SSBP4: variants seen among roughly 807,000 people sequenced by gnomAD.
SSBP4 encodes the protein single-stranded DNA-binding protein 4.
A neutral mutation model predicts 64.6 loss-of-function variants in SSBP4; 33 were observed. The ratio of observed to expected loss-of-function variants is 0.51; its 90% CI spans 0.39 to 0.68. The LOEUF is 0.68. SSBP4 is among the 30% of genes least tolerant of loss of function. The pLI is 0.00. For missense variants in SSBP4, 583 were observed against 566.8 expected (o/e 1.03, Z -0.29); for synonymous variants, 243 against 224.0 (o/e 1.08, Z -0.76).
At chr19:18,412,365 G>A in the SSBP4 span, among the ~76,000 whole-genome samples, 1 of 150,818 alleles carries the variant, frequency 6.6e-6, no homozygotes, top group Admixed American at 6.6e-5. Context: ...GGAGGCTGAG[G>A]CAGAGAATTG....
At chr19:18,429,143 G>A (rs934328418) in intron 4 of SSBP4, among the ~76,000 whole-genome samples, 4 of 152,144 alleles carry the variant, frequency 2.6e-5, no homozygotes, top group Non-Finnish European at 4.4e-5. Flanking sequence ...GTCATGCCGG[G>A]CCGTCGCCTC....
chr19:18,405,452 G>C, the SSBP4 span, among the ~76,000 whole-genome samples: 1 of 149,934 alleles, frequency 6.7e-6, no homozygotes, highest in Admixed American at 6.6e-5. Flanking sequence ...CTTGAGCCCA[G>C]GAGTTCAAGA....
Position 18,432,546 on chromosome 19 carries a change from C to A in SSBP4, c.705-13C>A, listed in dbSNP as rs756645670. The A allele has an allele frequency of 6.5e-6, 10 of 1,548,676 alleles. No homozygotes were observed. In the South Asian group the frequency reaches 7.1e-5, roughly 11 times the overall value. ...GACTAGCCCCAGAGTCTGTCATCCGCGGTCTCTTCCAGGGGCCCAGGAGTT... is the reference window on the plus strand; with the variant it reads ...GACTAGCCCCAGAGTCTGTCATCCGAGGTCTCTTCCAGGGGCCCAGGAGTT... On this transcript the variant is annotated splice_polypyrimidine_tract_variant and intron_variant, in intron 10 of 17. Coordinates refer to ENST00000270061, the MANE Select transcript of SSBP4 (RefSeq NM_032627.5).
In SSBP4 at chr19:18,423,589, C is replaced by T. The variant is rs1045944314; in HGVS notation, c.60-3762C>T. Among the ~76,000 whole-genome samples the T allele has an allele frequency of 1.3e-5, 2 of 152,148 alleles. No individual in the cohort carries two copies. Among genetic ancestry groups the T allele is most frequent in the African/African-American group, 2.4e-5 (1 of 41,416 alleles). ...GCTGAGCAGGGAGCATCCATTGCAGCCATTCTGGGTAATTATGGTAACTCG... is the reference window on the plus strand; with the variant it reads ...GCTGAGCAGGGAGCATCCATTGCAGTCATTCTGGGTAATTATGGTAACTCG... On this transcript the variant is annotated intron_variant, in intron 1 of 17. Transcript: ENST00000270061. The surrounding 1 kb of genome is among the most constrained non-coding windows in gnomAD (Gnocchi z 4.0).
chr19:18,434,142 G>A, intron 17 of SSBP4, 75 bp from the exon 18 acceptor site: 1 of 1,596,642 alleles, frequency 6.3e-7, no homozygotes, highest in Non-Finnish European at 8.5e-7. Context: ...GTCCCCCATT[G>A]TCCCTGGGGG....
At chr19:18,419,150 G>A (rs1972245227), upstream of SSBP4, 1 of 985,510 alleles carries the variant, frequency 1.0e-6, no homozygotes, top group Non-Finnish European at 1.2e-6. Context: ...TCCATTTGAG[G>A]TGAGTGAACG....
rs760125111 is a variant in SSBP4, at chr19:18,432,995, CAT to C, written c.865_866del (p.Met289ValfsTer15). ...CAGATTCCACCAACTCCAGCGAAAACATGTACACTATCATGAACCCCATCGGG... is the reference window on the plus strand; with the variant it reads ...CAGATTCCACCAACTCCAGCGAAAACGTACACTATCATGAACCCCATCGGG... ...PGDSTNSSEN[M>X]YTIMNPIGQG... On this transcript the variant is annotated frameshift_variant, in exon 14 of 18. Coordinates refer to ENST00000270061, the MANE Select transcript of SSBP4 (RefSeq NM_032627.5). LOFTEE classifies it high-confidence loss of function. The C allele has an allele frequency of 2.5e-6, 4 of 1,614,186 alleles. No homozygotes were observed. Among genetic ancestry groups the C allele is most frequent in the Non-Finnish European group, 3.4e-6 (4 of 1,180,026 alleles).
chr19:18,420,813 C>T (rs186363957), intron 1 of SSBP4, among the ~76,000 whole-genome samples: 4 of 151,274 alleles, frequency 2.6e-5, no homozygotes, highest in Non-Finnish European at 5.9e-5. Flanking sequence ...GATCACGCCA[C>T]TGCACTCCAG....
chr19:18,411,197 AG>A, the SSBP4 span, among the ~76,000 whole-genome samples: 1 of 152,104 alleles, frequency 6.6e-6, no homozygotes, highest in Non-Finnish European at 1.5e-5. Context: ...TTAACAAACA[AG>A]ATATCCAGGA....
At chr19:18,405,714 C>T in the SSBP4 span, among the ~76,000 whole-genome samples, 1 of 147,616 alleles carries the variant, frequency 6.8e-6, no homozygotes, top group African/African-American at 2.5e-5. Flanking sequence ...TGGCCAAGTG[C>T]AGTGGCTCAT....
Position 18,426,489 on chromosome 19 carries a change from T to C in SSBP4, c.60-862T>C, listed in dbSNP as rs1363586378. Among the ~76,000 whole-genome samples, 1 of 152,188 alleles carries C rather than the reference T, an allele frequency of 6.6e-6. No individual in the cohort carries two copies. Among genetic ancestry groups the C allele is most frequent in the Non-Finnish European group, 1.5e-5 (1 of 68,026 alleles). On this transcript the variant is annotated intron_variant, in intron 1 of 17. Transcript: ENST00000270061. This position sits in a 1 kb window ranked among gnomAD's most constrained non-coding sequence, Gnocchi z 4.5. ...TCCAGAAGGGCTGGTGCCACAGGAC[T>C]GGGCGACCCTTTGGATAGGGGGTTT...
chr19:18,431,609 G>T, intron 6 of SSBP4, 38 bp from the exon 7 acceptor site: 1 of 1,523,292 alleles, frequency 6.6e-7, no homozygotes, highest in South Asian at 1.2e-5. Flanking sequence ...GGGACCAGAG[G>T]GTGGGGGAAG....
the SSBP4 span, among the ~76,000 whole-genome samples, chr19:18,408,062 T>A: frequency 6.6e-6 from 1 of 152,084 alleles, no homozygotes; most frequent in African/African-American, 2.4e-5. Flanking sequence ...TCTAGTAAAA[T>A]TTTAAAAGCC....
chr19:18,434,182 C>G, intron 17 of SSBP4, 35 bp from the exon 18 acceptor site: 1 of 1,609,746 alleles, frequency 6.2e-7, no homozygotes, highest in South Asian at 1.1e-5. Flanking sequence ...GAGCTGAACT[C>G]GGCCCCTGCG....
rs997330932 is a variant in SSBP4, at chr19:18,434,382, A to G, written c.*136A>G. On this transcript the variant is annotated 3_prime_UTR_variant, in exon 18 of 18. Transcript: ENST00000270061. Reference sequence around the variant, plus strand: ...GGCTTGCCCAGCTGGGAGGCCCCACACGAAAGACTCTTACCATTTTATTAA... The same window carrying G: ...GGCTTGCCCAGCTGGGAGGCCCCACGCGAAAGACTCTTACCATTTTATTAA... 3 of 1,425,904 alleles carry G rather than the reference A, an allele frequency of 2.1e-6. No homozygotes were observed. The highest frequency in any genetic ancestry group is 2.8e-6 in the Non-Finnish European group (3 of 1,082,426). 88.3% of individuals were successfully genotyped at this position (1,425,904 alleles called of 1,614,324 possible). A position where few individuals can be genotyped will look rare whatever the true frequency, so the allele number is the denominator to read the frequency against.
rs560250784 is a variant in SSBP4, at chr19:18,432,703, C to G, written c.754C>G (p.Pro252Ala). 3 of 1,574,944 alleles carry G rather than the reference C, an allele frequency of 1.9e-6. No individual in the cohort carries two copies. Among genetic ancestry groups the G allele is most frequent in the Admixed American group, 3.4e-5 (2 of 58,030 alleles). Residue 252 changes from proline to alanine, a missense_variant, in exon 12 of 18, where the codon CCC becomes GCC. This residue lies in a region of SSBP4 where 444 missense variants were observed against 386.6 expected (regional missense o/e 1.15). Transcript: ENST00000270061. ...PWASPSGNSI[P>A]YSSSSPGSYT... ...TCACAGCTGCCCTTGTCCCCAGATC[C>G]CCTACTCCTCCTCATCCCCCGGCAG...
At chr19:18,406,147 CTTTA>C in the SSBP4 span, among the ~76,000 whole-genome samples, 17 of 150,868 alleles carry the variant, frequency 1.1e-4, no homozygotes, top group African/African-American at 3.4e-4. Flanking sequence ...AAGCCAAAAA[CTTTA>C]TTTATTTATT....
the SSBP4 span, among the ~76,000 whole-genome samples, chr19:18,405,483 A>G: frequency 3.5e-5 from 5 of 142,196 alleles, no homozygotes; most frequent in Admixed American, 7.1e-5. Flanking sequence ...CAACATAGTG[A>G]GACTCTGTCT....
the SSBP4 span, among the ~76,000 whole-genome samples, chr19:18,412,889 T>C: frequency 6.6e-6 from 1 of 152,222 alleles, no homozygotes; most frequent in Non-Finnish European, 1.5e-5. Context: ...TAGCTGGCTC[T>C]GAGTTGAAGA....
Sources: allele counts gnomAD v4.1 joint callset (sites outside exome capture counted in the v4.1 genomes callset), GRCh38; gene constraint gnomAD v4.1.1; regional missense constraint gnomAD v4.1.1; non-coding constraint Gnocchi (gnomAD v3.1); transcripts MANE v1.5; gene names NCBI Gene and HGNC (gene_info 2026-07-23, HGNC 2026-07-21).